The following KANK1 variants were observed in gnomAD, a reference collection of about 807,000 sequenced individuals.
KANK1 encodes KN motif and ankyrin repeat domain-containing protein 1.
Under a neutral mutation model 106.2 loss-of-function variants are expected in KANK1, and 109 were observed. The ratio of observed to expected loss-of-function variants is 1.03; its 90% confidence interval spans 0.88 to 1.20. The LOEUF (loss-of-function observed/expected upper bound fraction) is 1.20, where lower values mean the gene tolerates loss of function less well. Among genes scored for constraint, KANK1 ranks in the 50% most tolerant of loss-of-function variants. KANK1 has a pLI of 0.00. For synonymous variants in KANK1, 873 were observed against 652.2 expected, an observed-to-expected ratio of 1.34 and a Z score of -5.16; for missense variants, 2,399 against 1,710.7, an observed-to-expected ratio of 1.40 and a Z score of -7.10.
chr9:684,699 G>A, intron 2 of KANK1: 1 of 451,170 alleles, frequency 2.2e-6, no homozygotes, highest in Non-Finnish European at 2.9e-6. Context: ...CCTTCTTCCT[G>A]TGTCTGGGAT....
At chr9:670,252 G>A (rs1255557663) in intron 1 of KANK1, among the ~76,000 whole-genome samples, 1 of 152,064 alleles carries the variant, frequency 6.6e-6, no homozygotes. Flanking sequence ...TACATTTGGG[G>A]AGGTCATGGT....
intron 8 of KANK1, among the ~76,000 whole-genome samples, chr9:739,554 C>T (rs1489923957): frequency 6.6e-6 from 1 of 152,186 alleles, no homozygotes; most frequent in Admixed American, 6.5e-5. Context: ...CCCTCCTCTT[C>T]AGGCTTTCTA....
At chr9:652,291 C>A (rs559388373) in intron 1 of KANK1, among the ~76,000 whole-genome samples, 1 of 152,010 alleles carries the variant, frequency 6.6e-6, no homozygotes, top group Non-Finnish European at 1.5e-5. Flanking sequence ...GAGGCTAAGG[C>A]GGGTGGATCA....
At chr9:522,057 T>A (rs941069542) in intron 1 of KANK1, among the ~76,000 whole-genome samples, 1 of 151,696 alleles carries the variant, frequency 6.6e-6, no homozygotes, top group Admixed American at 6.6e-5. Flanking sequence ...TTGGCACATT[T>A]CTTGGGAAAA....
rs1289411494 is a variant in KANK1, at chr9:729,941, G to A, written c.2699-110G>A. On this transcript the variant is annotated intron_variant, in intron 3 of 11. Coordinates refer to ENST00000382297, the MANE Select transcript of KANK1 (RefSeq NM_015158.5). ...TCAAAGGGGCTTCTGAGTTTTGGTG[G>A]CTGGGATAATAGTCCCATTTTAAAT... 3.2e-6 allele frequency: 3 copies of A among 928,618 alleles called. No individual in the cohort carries two copies. In the East Asian group the frequency reaches 7.9e-5, roughly 24 times the overall value. 57.5% of individuals were successfully genotyped at this position (928,618 alleles called of 1,614,324 possible). A position where few individuals can be genotyped will look rare whatever the true frequency, so the allele number is the denominator to read the frequency against.
At chr9:570,778 A>C (rs895198884) in intron 1 of KANK1, among the ~76,000 whole-genome samples, 4 of 152,336 alleles carry the variant, frequency 2.6e-5, no homozygotes, top group African/African-American at 9.6e-5. Flanking sequence ...TTTTCATGTG[A>C]ATTTAGTAAA....
chr9:590,689 A>G (rs1355292931), intron 1 of KANK1, among the ~76,000 whole-genome samples: 1 of 151,796 alleles, frequency 6.6e-6, no homozygotes, highest in Non-Finnish European at 1.5e-5. Context: ...AAATACAGAA[A>G]TGCACCCTGC....
At chr9:580,911 G>T (rs926455858) in intron 1 of KANK1, among the ~76,000 whole-genome samples, 25 of 152,330 alleles carry the variant, frequency 1.6e-4, no homozygotes, top group Non-Finnish European at 3.2e-4. Context: ...CCCGAGCCTT[G>T]CCCCACGGGG....
intron 10 of KANK1, among the ~76,000 whole-genome samples, chr9:743,048 G>C (rs1836106544): frequency 6.6e-6 from 1 of 152,174 alleles, no homozygotes; most frequent in Admixed American, 6.5e-5. Flanking sequence ...GGGTACTTTT[G>C]CGTGTCTCTA....
chr9:644,604 G>A (rs75926642), intron 1 of KANK1, among the ~76,000 whole-genome samples: 10,487 of 150,474 alleles, frequency 0.07, 839 homozygotes, highest in African/African-American at 0.13. Flanking sequence ...GTAATTCACT[G>A]ACTCACTGTC....
intron 1 of KANK1, among the ~76,000 whole-genome samples, chr9:637,263 G>T (rs1837367195): frequency 6.6e-6 from 1 of 152,288 alleles, no homozygotes; most frequent in East Asian, 1.9e-4. Context: ...ATAATGATGT[G>T]AAAGCTTTTG....
At position 745,260 on chromosome 9, in the gene KANK1, A is replaced by G; in HGVS notation, c.*25A>G. ...ATTGTATGCAAATAGCCCTTTATTT[A>G]CATGCCACTATTAAGCTGCTAATTG... On this transcript the variant is annotated 3_prime_UTR_variant, in exon 12 of 12. Transcript: ENST00000382297. 6.2e-7 allele frequency: 1 copy of G among 1,613,598 alleles called. No individual in the cohort carries two copies.
chr9:483,304 T>A (rs1417742299), intron 3 of KANK1, among the ~76,000 whole-genome samples: 3 of 152,162 alleles, frequency 2.0e-5, no homozygotes, highest in African/African-American at 4.8e-5. Flanking sequence ...CACATTTGAA[T>A]CATCTGGGGG....
chr9:713,115 A>C lies in KANK1; in HGVS notation c.2349A>C (p.Pro783=), dbSNP rs932594573. The C allele has an allele frequency of 3.1e-6, 5 of 1,604,826 alleles. No individual in the cohort carries two copies. Among genetic ancestry groups the C allele is most frequent in the Non-Finnish European group, 4.3e-6 (5 of 1,173,558 alleles). The change falls in exon 3 of 12, where the codon CCA becomes CCC. Residue 783 remains proline (P), a synonymous_variant. Transcript: ENST00000382297. The part of the protein sequence containing the change: ...GLKMRTIACG[P]PQLTVGLTAS... ...AAATGAGGACTATAGCTTGTGGGCCACCACAGTTGACTGTGGGGCTGACAG... is the reference window on the plus strand; with the variant it reads ...AAATGAGGACTATAGCTTGTGGGCCCCCACAGTTGACTGTGGGGCTGACAG...
intron 1 of KANK1, among the ~76,000 whole-genome samples, chr9:663,530 A>G (rs149391270): frequency 6.6e-6 from 1 of 152,346 alleles, no homozygotes; most frequent in East Asian, 1.9e-4. Flanking sequence ...TGAAAAAGAG[A>G]AAGTTTAATC....
At chr9:545,724 C>CTTTTTTTTTTTTTTTTTTTTTATTTTTT (rs2060886128) in intron 1 of KANK1, among the ~76,000 whole-genome samples, 1 of 102,688 alleles carries the variant, frequency 9.7e-6, no homozygotes, top group Non-Finnish European at 1.9e-5. Flanking sequence ...TGTACAGAGC[C>CTTTTTTTTTTTTTTTTTTTTTATTTTTT]TTTTTTTTTT....
intron 1 of KANK1, among the ~76,000 whole-genome samples, chr9:583,349 T>A (rs1281035089): frequency 6.6e-6 from 1 of 152,196 alleles, no homozygotes; most frequent in Non-Finnish European, 1.5e-5. Context: ...TACGGGACCT[T>A]ATTAAGTCCT....
chr9:683,857 T>C (rs1173611509), intron 2 of KANK1, among the ~76,000 whole-genome samples: 3 of 152,360 alleles, frequency 2.0e-5, no homozygotes, highest in Non-Finnish European at 2.9e-5. Flanking sequence ...TCAATGAAAC[T>C]GTAGCTGTTA....
intron 1 of KANK1, among the ~76,000 whole-genome samples, chr9:514,825 C>T (rs569657865): frequency 2.0e-5 from 3 of 151,676 alleles, no homozygotes; most frequent in African/African-American, 7.3e-5. Context: ...AATTTTTGGG[C>T]CATGCAGTTC....
Sources: allele counts gnomAD v4.1 joint callset (sites outside exome capture counted in the v4.1 genomes callset), GRCh38; gene constraint gnomAD v4.1.1; transcripts MANE v1.5; gene names NCBI Gene and HGNC (gene_info 2026-07-23, HGNC 2026-07-21).